The following RPS6KA2 variants were observed in gnomAD, a reference collection of about 807,000 sequenced individuals.
RPS6KA2 encodes the protein ribosomal protein S6 kinase A2, also known as ribosomal protein S6 kinase alpha-2.
A neutral mutation model predicts 91.8 loss-of-function variants in RPS6KA2; 42 were observed. The observed-to-expected ratio is 0.46, with a 90% CI of 0.36 to 0.59. The LOEUF is 0.59. RPS6KA2 is among the 20% of genes least tolerant of loss of function. RPS6KA2 has a pLI of 0.00. For synonymous variants in RPS6KA2, 414 were observed against 393.6 expected, an observed-to-expected ratio of 1.05 and a Z score of -0.61; for missense variants, 798 against 978.5, an observed-to-expected ratio of 0.82 and a Z score of 2.46.
chr6:166,728,036 T>C (rs556333530), intron 2 of RPS6KA2, among the ~76,000 whole-genome samples: 1 of 152,352 alleles, frequency 6.6e-6, no homozygotes, highest in Non-Finnish European at 1.5e-5. Flanking sequence ...AGCAACTATT[T>C]CCATAGCACT....
At chr6:166,734,914 C>T (rs1196468648) in intron 2 of RPS6KA2, among the ~76,000 whole-genome samples, 4 of 152,210 alleles carry the variant, frequency 2.6e-5, no homozygotes, top group African/African-American at 7.2e-5. Context: ...TTTGAAAGTT[C>T]CTATCCTCTT....
chr6:166,743,090 A>C (rs1583067058), intron 2 of RPS6KA2, among the ~76,000 whole-genome samples: 1 of 152,340 alleles, frequency 6.6e-6, no homozygotes. Context: ...ACAAACTAGC[A>C]CTTATGTACT....
At position 166,643,113 on chromosome 6, in the gene RPS6KA2, T is replaced by C. The variant is rs149175005; in HGVS notation, c.124-104329A>G. 2.9e-3 allele frequency among the ~76,000 whole-genome samples: 437 copies of C among 152,352 alleles called. 3 individuals are homozygous for C. Among genetic ancestry groups the C allele is most frequent in the African/African-American group, 9.9e-3 (413 of 41,580 alleles). ...CCATTTTCTGTTCCTTGAATTAAAA[T>C]GTCCTTTATCTCTGATCTTCCAATA... On this transcript the variant is annotated intron_variant, in intron 2 of 21. Coordinates refer to the RPS6KA2 transcript ENST00000503859.
Position 166,784,674 on chromosome 6 carries a change from C to G in RPS6KA2, c.123+73526G>C, listed in dbSNP as rs1183360556. Among the ~76,000 whole-genome samples, 84 of 70,722 alleles carry G rather than the reference C, an allele frequency of 1.2e-3. 1 individual carries two copies. Among genetic ancestry groups the G allele is most frequent in the Non-Finnish European group, 2.0e-3 (65 of 33,290 alleles). The allele number at this position is 70,722 out of a possible 152,430, so 46.4% of individuals were successfully genotyped here. A position where few individuals can be genotyped will look rare whatever the true frequency, so the allele number is the denominator to read the frequency against. ...CACATATACACATGTGCACACCTAT[C>G]TATACCACATATATACACGTGCACA... is the stretch of plus-strand genomic sequence containing the variant. On this transcript the variant is annotated intron_variant, in intron 2 of 21. Coordinates refer to the RPS6KA2 transcript ENST00000503859.
exon 1 of RPS6KA2, chr6:166,862,362 C>T (rs907448037): frequency 1.4e-6 from 2 of 1,423,704 alleles, no homozygotes; most frequent in Admixed American, 2.7e-5. Flanking sequence ...CTGCGCCGGC[C>T]GGAGGAGGGA....
chr6:166,608,508 C>T (rs1382958291), intron 1 of RPS6KA2, among the ~76,000 whole-genome samples: 1 of 152,102 alleles, frequency 6.6e-6, no homozygotes, highest in Non-Finnish European at 1.5e-5. Flanking sequence ...TTATTGAATT[C>T]AGGATTGTTT....
chr6:166,824,584 GTGTGTGTGTCTGCATGTCTAATA>G (rs1488415892), intron 2 of RPS6KA2, among the ~76,000 whole-genome samples: 2 of 150,780 alleles, frequency 1.3e-5, no homozygotes, highest in Non-Finnish European at 2.9e-5. Flanking sequence ...CTGTGTCTGT[GTGTGTGTGTCTGCATGTCTAATA>G]TGTGTGTGTC....
intron 2 of RPS6KA2, among the ~76,000 whole-genome samples, chr6:166,788,029 G>A (rs1778978632): frequency 2.1e-5 from 3 of 143,730 alleles, no homozygotes; most frequent in South Asian, 2.2e-4. Context: ...GATATGAACC[G>A]ACACTTCTCA....
chr6:166,539,957 C>T (rs1436269514), intron 1 of RPS6KA2, among the ~76,000 whole-genome samples: 1 of 152,184 alleles, frequency 6.6e-6, no homozygotes, highest in South Asian at 2.1e-4. Flanking sequence ...GGCTAAAATG[C>T]GCATCCAAAA....
At chr6:166,855,489 G>GGAA (rs1362248108) in intron 2 of RPS6KA2, among the ~76,000 whole-genome samples, 1 of 126,274 alleles carries the variant, frequency 7.9e-6, no homozygotes, top group African/African-American at 3.3e-5. Context: ...AAGAAGAAGA[G>GGAA]GAAGAAGAAG....
chr6:166,701,125 T>C, intron 2 of RPS6KA2: 2 of 1,611,934 alleles, frequency 1.2e-6, no homozygotes, highest in Non-Finnish European at 1.7e-6. Flanking sequence ...TGGTCCACTT[T>C]GCAGAGCCTT....
At position 166,490,625 on chromosome 6, in the gene RPS6KA2, T is replaced by C; in HGVS notation, c.818+46A>G. 7.5e-7 allele frequency: 1 copy of C among 1,325,724 alleles called. No homozygotes were observed. Among genetic ancestry groups the C allele is most frequent in the Non-Finnish European group, 1.1e-6 (1 of 930,744 alleles). The allele number at this position is 1,325,724 out of a possible 1,614,324, so 82.1% of individuals were successfully genotyped here. On this transcript the variant is annotated intron_variant, in intron 9 of 20. Coordinates refer to ENST00000265678, the MANE Select transcript of RPS6KA2 (RefSeq NM_021135.6). The surrounding 1 kb of genome is among the most constrained non-coding windows in gnomAD (Gnocchi z 4.2). ...GGTTCAGAGGCAGCAGCTCTTGATA[T>C]CAGAAGGTGCTCGCAGGTCTCTGGG...
chr6:166,571,057 C>G (rs1784670623), intron 1 of RPS6KA2, among the ~76,000 whole-genome samples: 1 of 152,198 alleles, frequency 6.6e-6, no homozygotes, highest in African/African-American at 2.4e-5. Flanking sequence ...GATGCTAAAC[C>G]ATGCTGTGAA....
At chr6:166,497,409 C>T (rs559956131) in intron 8 of RPS6KA2, among the ~76,000 whole-genome samples, 40 of 152,344 alleles carry the variant, frequency 2.6e-4, no homozygotes, top group East Asian at 1.9e-3. Context: ...TAGCCACAAA[C>T]GTGATGTGGG....
chr6:166,475,095 A>G (rs1002630917), intron 10 of RPS6KA2, among the ~76,000 whole-genome samples: 2 of 152,182 alleles, frequency 1.3e-5, no homozygotes, highest in Admixed American at 1.3e-4. Flanking sequence ...CGCACAGACA[A>G]GAAAGCAGAC....
exon 1 of RPS6KA2, chr6:166,862,465 G>A (rs1781070646): frequency 1.9e-6 from 2 of 1,055,386 alleles, no homozygotes; most frequent in South Asian, 3.7e-5. Flanking sequence ...CTCGGGCTGG[G>A]GCGAGGAAAG....
chr6:166,727,087 G>T (rs1790359787), intron 2 of RPS6KA2, among the ~76,000 whole-genome samples: 1 of 152,030 alleles, frequency 6.6e-6, no homozygotes, highest in African/African-American at 2.4e-5. Flanking sequence ...TATCCCAACA[G>T]TTCCCCATAA....
At chr6:166,778,709 TGA>T (rs1778689227) in intron 2 of RPS6KA2, among the ~76,000 whole-genome samples, 1 of 152,202 alleles carries the variant, frequency 6.6e-6, no homozygotes, top group Non-Finnish European at 1.5e-5. Flanking sequence ...GAGGTTGCAG[TGA>T]GCCAAGATCA....
At chr6:166,684,265 G>A (rs370554086) in intron 2 of RPS6KA2, among the ~76,000 whole-genome samples, 16 of 152,188 alleles carry the variant, frequency 1.1e-4, no homozygotes, top group Middle Eastern at 3.4e-3. Flanking sequence ...AGGCATTACC[G>A]CCCCTTTTCA....
Sources: allele counts gnomAD v4.1 joint callset (sites outside exome capture counted in the v4.1 genomes callset), GRCh38; gene constraint gnomAD v4.1.1; non-coding constraint Gnocchi (gnomAD v3.1); transcripts MANE v1.5; gene names NCBI Gene and HGNC (gene_info 2026-07-23, HGNC 2026-07-21).